Variants in CELF2 observed in about 807,000 individuals in gnomAD.
The protein encoded by CELF2 is CUGBP Elav-like family member 2.
In CELF2, 8 loss-of-function variants were observed where a neutral mutation model predicts 62.6. The ratio of observed to expected loss-of-function variants is 0.13; its 90% confidence interval spans 0.07 to 0.23. The LOEUF (loss-of-function observed/expected upper bound fraction) is 0.23. Ranked by LOEUF, CELF2 falls within the 10% of genes least tolerant of loss-of-function variation. CELF2 has a pLI of 1.00. For synonymous variants in CELF2, 258 were observed against 250.0 expected (o/e 1.03, Z -0.30); for missense variants, 333 against 671.0 (o/e 0.50, Z 5.56).
chr10:10,711,074 T>C, the CELF2 span, among the ~76,000 whole-genome samples: 7 of 152,156 alleles, frequency 4.6e-5, no homozygotes, highest in Non-Finnish European at 1.0e-4. Context: ...TGGGAAGGGT[T>C]GCAGTGGTCC....
Position 10,903,735 on chromosome 10 carries a change from G to A in CELF2, c.54-16229G>A, listed in dbSNP as rs2134162024. Among the ~76,000 whole-genome samples the A allele has an allele frequency of 1.3e-5, 2 of 152,316 alleles. 1 individual carries two copies. Among genetic ancestry groups the A allele is most frequent in the African/African-American group, 4.8e-5 (2 of 41,566 alleles). ...ACTAAACCCCCCATTTCCTCCTGGT[G>A]GTGAGTGAAGGGCGTCAGGGATACT... On this transcript the variant is annotated intron_variant, in intron 1 of 13. Coordinates refer to the CELF2 transcript ENST00000636488.
At chr10:11,138,397 G>A (rs189990597) in intron 1 of CELF2, among the ~76,000 whole-genome samples, 2 of 152,254 alleles carry the variant, frequency 1.3e-5, no homozygotes, top group Admixed American at 6.5e-5. Context: ...CCCAGCCTTC[G>A]GTTGCAGCAC....
At chr10:11,000,145 A>T (rs2054373159) in intron 2 of CELF2, among the ~76,000 whole-genome samples, 3 of 151,864 alleles carry the variant, frequency 2.0e-5, no homozygotes, top group Admixed American at 2.0e-4. Flanking sequence ...TCACAAACCA[A>T]AGCTAGTTTT....
chr10:10,744,208 T>C, the CELF2 span, among the ~76,000 whole-genome samples: 1 of 152,038 alleles, frequency 6.6e-6, no homozygotes, highest in Admixed American at 6.6e-5. Flanking sequence ...GAAGCCACAC[T>C]CTCTTCTACA....
the CELF2 span, among the ~76,000 whole-genome samples, chr10:10,728,255 G>A: frequency 0.015 from 2,189 of 150,614 alleles, 54 homozygotes; most frequent in African/African-American, 0.049. Context: ...CCTGACCAAC[G>A]TGGCAAAACC....
At chr10:10,466,628 A>G in the CELF2 span, among the ~76,000 whole-genome samples, 1 of 152,126 alleles carries the variant, frequency 6.6e-6, no homozygotes, top group Non-Finnish European at 1.5e-5. Flanking sequence ...AAAACCCAGC[A>G]GTTTTCCAAA....
intron 9 of CELF2, among the ~76,000 whole-genome samples, chr10:11,299,968 C>G (rs1010817580): frequency 6.6e-6 from 1 of 152,192 alleles, no homozygotes; most frequent in Non-Finnish European, 1.5e-5. Context: ...TTGCCCCGCT[C>G]GTAGGAGATC....
chr10:11,059,053 G>A (rs1295005132), intron 1 of CELF2, among the ~76,000 whole-genome samples: 1 of 152,190 alleles, frequency 6.6e-6, no homozygotes, highest in Admixed American at 6.5e-5. Flanking sequence ...AAAGTGCCAG[G>A]GTTGCAGCCG....
At position 11,110,098 on chromosome 10, in the gene CELF2, A is replaced by C. The variant is rs1240766729; in HGVS notation, c.75-55388A>C. ...ACATAGCAAGACCTCATTGCTACTA[A>C]AAATTTTTAAAAATTAGTTGGGCAT... On this transcript the variant is annotated intron_variant, in intron 1 of 12. Coordinates refer to ENST00000633077, the MANE Select transcript of CELF2 (RefSeq NM_001326342.2). This position sits in a 1 kb window ranked among gnomAD's most constrained non-coding sequence, Gnocchi z 4.0. 6.6e-6 allele frequency among the ~76,000 whole-genome samples: 1 copy of C among 152,040 alleles called. No individual in the cohort carries two copies. Among genetic ancestry groups the C allele is most frequent in the African/African-American group, 2.4e-5 (1 of 41,392 alleles).
chr10:10,490,482 T>C, the CELF2 span, among the ~76,000 whole-genome samples: 1 of 152,062 alleles, frequency 6.6e-6, no homozygotes, highest in Non-Finnish European at 1.5e-5. Flanking sequence ...TGTGATGATT[T>C]TGGAGGAAAA....
chr10:10,812,980 A>T (rs2131773723), intron 1 of CELF2, among the ~76,000 whole-genome samples: 1 of 152,312 alleles, frequency 6.6e-6, no homozygotes, highest in Non-Finnish European at 1.5e-5. Context: ...TGTATGATCG[A>T]TGTAAGATAG....
the CELF2 span, among the ~76,000 whole-genome samples, chr10:10,728,861 C>G: frequency 6.6e-6 from 1 of 152,138 alleles, no homozygotes; most frequent in Non-Finnish European, 1.5e-5. Context: ...ATTCTACCGC[C>G]TCTAAATGTG....
the CELF2 span, among the ~76,000 whole-genome samples, chr10:10,707,579 A>G: frequency 2.0e-5 from 3 of 152,164 alleles, no homozygotes; most frequent in Admixed American, 2.0e-4. Context: ...ATCCCTCCCC[A>G]TCAGAGGTGG....
chr10:10,893,671 C>T (rs1425966221), intron 1 of CELF2, among the ~76,000 whole-genome samples: 1 of 152,154 alleles, frequency 6.6e-6, no homozygotes, highest in Non-Finnish European at 1.5e-5. Flanking sequence ...TCCAAGGAGA[C>T]CTCAGGAAGC....
At chr10:10,887,298 G>A (rs144932406) in intron 1 of CELF2, among the ~76,000 whole-genome samples, 34 of 152,226 alleles carry the variant, frequency 2.2e-4, no homozygotes, top group Non-Finnish European at 3.5e-4. Flanking sequence ...CAGATAGCAC[G>A]TGAAGTTCAA....
At chr10:10,550,531 C>G in the CELF2 span, among the ~76,000 whole-genome samples, 1 of 152,150 alleles carries the variant, frequency 6.6e-6, no homozygotes, top group East Asian at 1.9e-4. Context: ...TCAAATCTGT[C>G]TCCCAGAGCT....
At chr10:10,541,040 G>T in the CELF2 span, among the ~76,000 whole-genome samples, 1 of 151,864 alleles carries the variant, frequency 6.6e-6, no homozygotes, top group Admixed American at 6.6e-5. Context: ...TCAGGAGATC[G>T]AGACCATCCT....
At position 10,800,392 on chromosome 10, in the gene CELF2, C is replaced by T. The variant is rs549830146; in HGVS notation, c.53+1575C>T. 3.2e-4 allele frequency among the ~76,000 whole-genome samples: 48 copies of T among 152,178 alleles called. 1 individual carries two copies. The Middle Eastern group carries it at 0.01, about 32-fold the overall frequency. ...TTGAGATGCAGTTTCACTCTTGTTG[C>T]CCAGGCTGGAGTGCAGTGGCATGAT... is the stretch of plus-strand genomic sequence containing the variant. On this transcript the variant is annotated intron_variant, in intron 1 of 13. Coordinates refer to the CELF2 transcript ENST00000636488.
chr10:10,481,080 C>A, the CELF2 span, among the ~76,000 whole-genome samples: 1 of 152,080 alleles, frequency 6.6e-6, no homozygotes, highest in African/African-American at 2.4e-5. Flanking sequence ...AAAAAAAGAT[C>A]TTGCTCAGTG....
Sources: allele counts gnomAD v4.1 joint callset (sites outside exome capture counted in the v4.1 genomes callset), GRCh38; gene constraint gnomAD v4.1.1; non-coding constraint Gnocchi (gnomAD v3.1); transcripts MANE v1.5; gene names NCBI Gene and HGNC (gene_info 2026-07-23, HGNC 2026-07-21).